The following CCDC91 variants were observed in gnomAD, a reference collection of about 807,000 sequenced individuals.
The protein encoded by CCDC91 is coiled-coil domain-containing protein 91.
A neutral mutation model predicts 63.2 loss-of-function variants in CCDC91; 48 were observed. The ratio of observed to expected loss-of-function variants is 0.76; its 90% CI spans 0.60 to 0.97. CCDC91 has a LOEUF of 0.97. CCDC91 is among the 50% of genes least tolerant of loss of function. The probability of loss-of-function intolerance (pLI) is 0.00; values close to 1 mark genes in which losing one functional copy is unlikely to be tolerated. For synonymous variants in CCDC91, 167 were observed against 165.8 expected, an observed-to-expected ratio of 1.01 and a Z score of -0.06; for missense variants, 500 against 494.6, an observed-to-expected ratio of 1.01 and a Z score of -0.10.
intron 3 of CCDC91, among the ~76,000 whole-genome samples, chr12:28,299,983 T>A (rs1375500937): frequency 1.3e-5 from 2 of 151,470 alleles, no homozygotes; most frequent in African/African-American, 4.8e-5. Flanking sequence ...CCCTTATCTG[T>A]GATACATGTT....
intron 8 of CCDC91, among the ~76,000 whole-genome samples, chr12:28,396,589 G>A (rs7976477): frequency 1.7e-3 from 258 of 151,946 alleles, no homozygotes; most frequent in African/African-American, 5.4e-3. Flanking sequence ...AAGAGAAACC[G>A]GAGACTTTGT....
chr12:28,441,161 A>C (rs1831739772), intron 8 of CCDC91, among the ~76,000 whole-genome samples: 1 of 151,390 alleles, frequency 6.6e-6, no homozygotes, highest in Non-Finnish European at 1.5e-5. Flanking sequence ...ATTTTTAGTC[A>C]TTATGGAAAT....
At chr12:28,451,232 G>A (rs1473533762) in intron 10 of CCDC91, among the ~76,000 whole-genome samples, 1 of 151,648 alleles carries the variant, frequency 6.6e-6, no homozygotes, top group East Asian at 1.9e-4. Context: ...GGCAACAAAA[G>A]CTAGAGGCAG....
At chr12:28,404,887 A>G (rs1248654440) in intron 8 of CCDC91, among the ~76,000 whole-genome samples, 1 of 152,008 alleles carries the variant, frequency 6.6e-6, no homozygotes, top group Non-Finnish European at 1.5e-5. Flanking sequence ...TTTATATTCA[A>G]AGTGGATTTC....
At chr12:28,195,684 A>G (rs1438339348) in intron 1 of CCDC91, among the ~76,000 whole-genome samples, 1 of 152,180 alleles carries the variant, frequency 6.6e-6, no homozygotes, top group African/African-American at 2.4e-5. Flanking sequence ...CTTTCCATGT[A>G]CATTTTAGAA....
At chr12:28,359,441 T>G (rs567780419) in intron 6 of CCDC91, among the ~76,000 whole-genome samples, 4 of 152,304 alleles carry the variant, frequency 2.6e-5, no homozygotes, top group African/African-American at 4.8e-5. Context: ...TTGTCGAATT[T>G]TTTTGGTAGT....
intron 3 of CCDC91, among the ~76,000 whole-genome samples, chr12:28,271,879 T>C (rs1947791401): frequency 1.3e-5 from 2 of 149,318 alleles, no homozygotes; most frequent in South Asian, 2.1e-4. Flanking sequence ...AAATACATAC[T>C]CAATACATAA....
intron 8 of CCDC91, among the ~76,000 whole-genome samples, chr12:28,434,870 A>G (rs1199344379): frequency 6.6e-6 from 1 of 151,528 alleles, no homozygotes; most frequent in Non-Finnish European, 1.5e-5. Flanking sequence ...AGATTTGTGC[A>G]TTTTTAAAAA....
chr12:28,214,780 G>T (rs1943461856), intron 1 of CCDC91, among the ~76,000 whole-genome samples: 1 of 152,138 alleles, frequency 6.6e-6, no homozygotes, highest in Non-Finnish European at 1.5e-5. Context: ...TACATTTCCA[G>T]TTGTAGTCAG....
intron 3 of CCDC91, among the ~76,000 whole-genome samples, chr12:28,298,727 TAAA>T (rs138233289): frequency 6.9e-6 from 1 of 145,490 alleles, no homozygotes; most frequent in Admixed American, 6.9e-5. Flanking sequence ...CTTGATTTTG[TAAA>T]AAAAAAACAA....
intron 12 of CCDC91, among the ~76,000 whole-genome samples, chr12:28,510,701 TA>T (rs957133021): frequency 6.6e-6 from 1 of 151,912 alleles, no homozygotes; most frequent in Non-Finnish European, 1.5e-5. Context: ...CCACCGCAGA[TA>T]ATGATTTTTT....
In CCDC91 at chr12:28,503,411, C is replaced by T. The variant is rs534279489; in HGVS notation, c.1215+19246C>T. Among the ~76,000 whole-genome samples, 572 of 152,170 alleles carry T rather than the reference C, an allele frequency of 3.8e-3. 8 individuals are homozygous for T. Among genetic ancestry groups the T allele is most frequent in the African/African-American group, 0.013 (552 of 41,524 alleles). Reference sequence around the variant, plus strand: ...TACCACCTCACACCAGTTAGAATGGCGATCATTAAAAAGTCAGGAAGCAAC... The same window carrying T: ...TACCACCTCACACCAGTTAGAATGGTGATCATTAAAAAGTCAGGAAGCAAC... On this transcript the variant is annotated intron_variant, in intron 12 of 12. Coordinates refer to ENST00000536442, the MANE Select transcript of CCDC91 (RefSeq NM_018318.5).
chr12:28,396,675 TGTGTGG>T lies in CCDC91; in HGVS notation c.762+5266_762+5271del, dbSNP rs1484277590. On this transcript the variant is annotated intron_variant, in intron 8 of 12. Transcript: ENST00000536442. ...GTGTGTGTGTGTGTGTGTGTGTGTG[TGTGTGG>T]GCATGTGTGTGTGTGTTTGTGACAC... Among the ~76,000 whole-genome samples the T allele has an allele frequency of 5.4e-5, 8 of 147,928 alleles. No individual in the cohort carries two copies. In the East Asian group the frequency reaches 6.1e-4, roughly 11 times the overall value.
chr12:28,242,712 C>T (rs1479134045), intron 1 of CCDC91, among the ~76,000 whole-genome samples: 2 of 152,124 alleles, frequency 1.3e-5, no homozygotes, highest in African/African-American at 4.8e-5. Flanking sequence ...TCTGTGTTCT[C>T]ACCCAAATCT....
intron 3 of CCDC91, among the ~76,000 whole-genome samples, chr12:28,297,602 CAA>C (rs925678756): frequency 5.9e-5 from 9 of 151,722 alleles, no homozygotes; most frequent in African/African-American, 1.9e-4. Context: ...AGCAAGCAAA[CAA>C]ACAACATACC....
intron 4 of CCDC91, 66 bp from the exon 5 acceptor site, chr12:28,306,676 A>G: frequency 9.1e-7 from 1 of 1,104,614 alleles, no homozygotes; most frequent in Non-Finnish European, 1.3e-6. Context: ...TGCCCTTTGG[A>G]TGTTTTCATT....
At position 28,353,064 on chromosome 12, in the gene CCDC91, C is replaced by T. The variant is rs141718216; in HGVS notation, c.577-9374C>T. 1.8e-3 allele frequency among the ~76,000 whole-genome samples: 280 copies of T among 152,292 alleles called. 2 individuals are homozygous for T. Among genetic ancestry groups the T allele is most frequent in the African/African-American group, 6.3e-3 (260 of 41,558 alleles). On this transcript the variant is annotated intron_variant, in intron 6 of 12. Coordinates refer to ENST00000536442, the MANE Select transcript of CCDC91 (RefSeq NM_018318.5). ...TAGCTAGAACTTCTTGATAATTTGCCGCAGTTCTACATCAGTACTTGCTGC... is the reference window on the plus strand; with the variant it reads ...TAGCTAGAACTTCTTGATAATTTGCTGCAGTTCTACATCAGTACTTGCTGC...
intron 11 of CCDC91, among the ~76,000 whole-genome samples, chr12:28,459,542 A>G (rs1362191390): frequency 1.3e-5 from 2 of 152,148 alleles, no homozygotes. Flanking sequence ...TTCGGATGTT[A>G]TTATCCCCTT....
At chr12:28,241,848 T>C (rs1945358596) in intron 1 of CCDC91, among the ~76,000 whole-genome samples, 3 of 151,860 alleles carry the variant, frequency 2.0e-5, no homozygotes, top group Admixed American at 2.0e-4. Flanking sequence ...TTACAAAAAT[T>C]AGCTGAGTGT....
Sources: allele counts gnomAD v4.1 joint callset (sites outside exome capture counted in the v4.1 genomes callset), GRCh38; gene constraint gnomAD v4.1.1; transcripts MANE v1.5; gene names NCBI Gene and HGNC (gene_info 2026-07-23, HGNC 2026-07-21).